The following FXYD5 variants were observed in gnomAD, a reference collection of about 807,000 sequenced individuals.
FXYD5 encodes FXYD domain-containing ion transport regulator 5.
FXYD5 carries 21 observed loss-of-function variants against 25.7 expected under a neutral mutation model. That is an observed-to-expected ratio of 0.82 (90% CI 0.58 to 1.18). FXYD5 has a LOEUF of 1.18. FXYD5 is among the 50% of genes most tolerant of loss of function. The pLI is 0.00. For synonymous variants in FXYD5, 101 were observed against 90.7 expected (o/e 1.11, Z -0.64); for missense variants, 229 against 227.7 (o/e 1.01, Z -0.04).
intron 4 of FXYD5, chr19:35,159,455 T>C: frequency 6.5e-7 from 1 of 1,536,938 alleles, no homozygotes; most frequent in South Asian, 1.2e-5. Context: ...GTTTGGAAGT[T>C]CTTCTCACAT....
chr19:35,158,858 G>T (rs147779114), intron 4 of FXYD5, among the ~76,000 whole-genome samples: 64 of 151,878 alleles, frequency 4.2e-4, no homozygotes, highest in Non-Finnish European at 7.5e-4. Context: ...CAGGCACAGT[G>T]GCTCATGCCT....
chr19:35,164,118 C>T lies in FXYD5; in HGVS notation c.293-38C>T, dbSNP rs780049614. ...ATATCCCTTGTTTCTGCCTCCATGG[C>T]TCACTCCTGCCCTCCACTGATCTGG... On this transcript the variant is annotated intron_variant, in intron 5 of 8. Coordinates refer to ENST00000392219, the MANE Select transcript of FXYD5 (RefSeq NM_014164.6). The T allele has an allele frequency of 9.5e-5, 154 of 1,613,584 alleles. 1 individual carries two copies. The South Asian group carries it at 1.3e-3, about 13-fold the overall frequency.
Position 35,158,411 on chromosome 19 carries a change from C to G in FXYD5, c.199+11C>G. 1 of 1,540,240 alleles carries G rather than the reference C, an allele frequency of 6.5e-7. No homozygotes were observed. Among genetic ancestry groups the G allele is most frequent in the Non-Finnish European group, 9.0e-7 (1 of 1,113,214 alleles). ...CCTGGCCTGCTGATGGTGAGTAGTG[C>G]AGGGGCAGGCGGCGGGGACAGGACC... is the stretch of plus-strand genomic sequence containing the variant. On this transcript the variant is annotated intron_variant, in intron 4 of 8. Coordinates refer to ENST00000392219, the MANE Select transcript of FXYD5 (RefSeq NM_014164.6).
chr19:35,160,700 C>G lies in FXYD5; in HGVS notation c.200-9C>G, dbSNP rs1248068080. 6.3e-6 allele frequency: 10 copies of G among 1,597,742 alleles called. No individual in the cohort carries two copies. The African/African-American group carries it at 1.2e-4, about 19-fold the overall frequency. On this transcript the variant is annotated splice_polypyrimidine_tract_variant and intron_variant, in intron 4 of 8. Coordinates refer to ENST00000392219, the MANE Select transcript of FXYD5 (RefSeq NM_014164.6). ...TATCCTTCCCTCCTTGCTCTCCTGACCTGAATAGAAACACCACAACCCCAG... is the reference window on the plus strand; with the variant it reads ...TATCCTTCCCTCCTTGCTCTCCTGAGCTGAATAGAAACACCACAACCCCAG...
chr19:35,157,368 G>A (rs1054213362), intron 2 of FXYD5, 53 bp from the exon 3 acceptor site: 4 of 936,648 alleles, frequency 4.3e-6, no homozygotes, highest in African/African-American at 3.2e-5. Context: ...GGCGGGGGTG[G>A]TGAGAGGAGG....
Position 35,169,724 on chromosome 19 carries a change from G to A in FXYD5, c.*109G>A, listed in dbSNP as rs1211442801. 1 of 745,714 alleles carries A rather than the reference G, an allele frequency of 1.3e-6. No homozygotes were observed. The highest frequency in any genetic ancestry group is 1.5e-5 in the South Asian group (1 of 66,380). 46.2% of individuals were successfully genotyped at this position (745,714 alleles called of 1,614,324 possible). On this transcript the variant is annotated 3_prime_UTR_variant, in exon 9 of 9. Coordinates refer to ENST00000392219, the MANE Select transcript of FXYD5 (RefSeq NM_014164.6). ...TCCCCTCGAAGAGCCTGGCCAGAGAGGGAAGACACAGATGATGAAGCTGGA... is the reference window on the plus strand; with the variant it reads ...TCCCCTCGAAGAGCCTGGCCAGAGAAGGAAGACACAGATGATGAAGCTGGA...
chr19:35,161,572 G>A (rs767139968), intron 5 of FXYD5, among the ~76,000 whole-genome samples: 41 of 152,348 alleles, frequency 2.7e-4, no homozygotes, highest in Middle Eastern at 6.8e-3. Flanking sequence ...GCTCTCATTG[G>A]TCAGGCCTGA....
At chr19:35,163,405 A>AT (rs112084586) in intron 5 of FXYD5, among the ~76,000 whole-genome samples, 72,717 of 140,202 alleles carry the variant, frequency 0.52, 18,655 homozygotes, top group South Asian at 0.62. Flanking sequence ...GGAGGTACTG[A>AT]TTTTTTTTTT....
intron 8 of FXYD5, among the ~76,000 whole-genome samples, chr19:35,168,323 G>T (rs1252637714): frequency 2.0e-5 from 3 of 152,166 alleles, no homozygotes; most frequent in African/African-American, 7.2e-5. Context: ...TACAGAGAAA[G>T]ATATTTGCCA....
At position 35,169,548 on chromosome 19, in the gene FXYD5, C is replaced by T; in HGVS notation, c.488-18C>T. ...ATATCACTCTAGCTCGTGACTGAAT[C>T]ATTTCCTTCACCCACAGGTGGCAAG... On this transcript the variant is annotated intron_variant, in intron 8 of 8. Coordinates refer to ENST00000392219, the MANE Select transcript of FXYD5 (RefSeq NM_014164.6). 2 of 1,588,138 alleles carry T rather than the reference C, an allele frequency of 1.3e-6. No homozygotes were observed. Among genetic ancestry groups the T allele is most frequent in the Non-Finnish European group, 1.7e-6 (2 of 1,156,120 alleles).
At chr19:35,166,101 C>T (rs370147065) in intron 6 of FXYD5, 41 bp from the exon 7 acceptor site, 17 of 1,608,584 alleles carry the variant, frequency 1.1e-5, no homozygotes, top group Middle Eastern at 1.9e-4. Flanking sequence ...ACTTCACAAA[C>T]CTTTGCTGAA....
intron 2 of FXYD5, 53 bp downstream of exon 2, chr19:35,155,664 C>G: frequency 1.5e-6 from 2 of 1,333,830 alleles, no homozygotes; most frequent in South Asian, 2.3e-5. Flanking sequence ...GCCAGGCCAG[C>G]CCCACGTGTG....
intron 5 of FXYD5, among the ~76,000 whole-genome samples, chr19:35,161,074 A>G (rs138832892): frequency 1.1e-3 from 173 of 152,318 alleles, no homozygotes; most frequent in African/African-American, 3.9e-3. Context: ...GTGTTTCCCT[A>G]ACTGATAGAC....
chr19:35,156,944 G>GTA, intron 2 of FXYD5: 1 of 155,932 alleles, frequency 6.4e-6, no homozygotes, highest in Admixed American at 6.4e-5. Context: ...CCAGGATGGG[G>GTA]GCAGTGGAGT....
Position 35,166,286 on chromosome 19 carries a change from G to A in FXYD5, c.448G>A (p.Ala150Thr), listed in dbSNP as rs199648617. The A allele has an allele frequency of 8.8e-5, 141 of 1,605,854 alleles. No individual in the cohort carries two copies. The East Asian group carries it at 1.3e-3, about 15-fold the overall frequency. The change falls in exon 8 of 9, where the codon GCA becomes ACA. Residue 150 changes from alanine (A) to threonine (T), a missense_variant. Physicochemically the swap from Ala to Thr is moderately conservative, Grantham distance 58. Transcript: ENST00000392219. Reference protein sequence around the residue: ...HTLRKRGLLVAAVLFITGIII... With the variant: ...HTLRKRGLLVTAVLFITGIII... ...CCTCCGGAAACGGGGGCTGTTGGTCGCAGCTGTGCTGTTCATCACAGGCAT... is the reference window on the plus strand; with the variant it reads ...CCTCCGGAAACGGGGGCTGTTGGTCACAGCTGTGCTGTTCATCACAGGCAT...
chr19:35,167,629 A>G (rs902715824), intron 8 of FXYD5, among the ~76,000 whole-genome samples: 6 of 152,244 alleles, frequency 3.9e-5, no homozygotes, highest in Admixed American at 6.5e-5. Flanking sequence ...AATCTGTATA[A>G]CCAATGCCAA....
In FXYD5 at chr19:35,169,679, A is replaced by C; in HGVS notation, c.*64A>C. 1.9e-6 allele frequency: 2 copies of C among 1,053,610 alleles called. No individual in the cohort carries two copies. Among genetic ancestry groups the C allele is most frequent in the South Asian group, 1.3e-5 (1 of 78,606 alleles). The allele number at this position is 1,053,610 out of a possible 1,614,324, so 65.3% of individuals were successfully genotyped here. A position where few individuals can be genotyped will look rare whatever the true frequency, so the allele number is the denominator to read the frequency against. On this transcript the variant is annotated 3_prime_UTR_variant, in exon 9 of 9. Coordinates refer to ENST00000392219, the MANE Select transcript of FXYD5 (RefSeq NM_014164.6). The stretch of plus-strand genomic sequence containing the variant: ...CGAAGACCAAGCCCCCTGCCAGCTC[A>C]CCGTGCCCAGCCTCCTGCATCCCCT...
At chr19:35,155,471 G>C (rs2065344687) in intron 1 of FXYD5, 80 bp from the exon 2 acceptor site, 4 of 1,175,280 alleles carry the variant, frequency 3.4e-6, no homozygotes, top group Non-Finnish European at 5.1e-6. Flanking sequence ...GGCAGGGAAA[G>C]GGCTGCAGGA....
chr19:35,161,054 G>A (rs1170450180), intron 5 of FXYD5, among the ~76,000 whole-genome samples: 1 of 152,178 alleles, frequency 6.6e-6, no homozygotes, highest in Non-Finnish European at 1.5e-5. Context: ...GGGGCAGCGT[G>A]CAGTATGCAG....
Sources: gnomAD v4.1 joint callset for allele counts (sites outside exome capture counted in the v4.1 genomes callset) on GRCh38, gnomAD v4.1.1 for gene constraint, MANE v1.5 for transcripts, NCBI Gene and HGNC (gene_info 2026-07-23, HGNC 2026-07-21) for gene names.